Variants in CNST observed in about 807,000 individuals in gnomAD.
CNST encodes consortin.
A neutral mutation model predicts 72.4 loss-of-function variants in CNST; 39 were observed. The observed-to-expected ratio is 0.54, with a 90% confidence interval of 0.42 to 0.70. The LOEUF (loss-of-function observed/expected upper bound fraction) is 0.70, where lower values mean the gene tolerates loss of function less well. Among genes scored for constraint, CNST ranks in the 30% least tolerant of loss-of-function variants. The pLI, the probability that CNST is intolerant of heterozygous loss-of-function variation, is 0.00. For missense variants in CNST, 871 were observed against 868.5 expected (o/e 1.00, Z -0.04); for synonymous variants, 332 against 320.1 (o/e 1.04, Z -0.40).
At chr1:246,664,432 T>G (rs1424549119) in intron 10 of CNST, among the ~76,000 whole-genome samples, 1 of 120,630 alleles carries the variant, frequency 8.3e-6, no homozygotes, top group Admixed American at 7.9e-5. Flanking sequence ...TCTTTTTTTC[T>G]TTTTTTTTTT....
rs1041168578 is a variant in CNST at position 246,652,761 on chromosome 1, T to C, written c.1836+4724T>C. ...GGCTCACGCCTGTAATCCCAGCACTTTGGGAGGCCAAGGCGGGCGGATCAC... is the reference window on the plus strand; with the variant it reads ...GGCTCACGCCTGTAATCCCAGCACTCTGGGAGGCCAAGGCGGGCGGATCAC... On this transcript the variant is annotated intron_variant, in intron 9 of 10. Transcript: ENST00000366513. 8.6e-5 allele frequency among the ~76,000 whole-genome samples: 13 copies of C among 151,930 alleles called. 2 individuals are homozygous for C. Among genetic ancestry groups the C allele is most frequent in the Non-Finnish European group, 4.4e-5 (3 of 67,928 alleles).
Position 246,665,845 on chromosome 1 carries a change from C to T in CNST, c.2118C>T (p.Phe706=), listed in dbSNP as rs138848173. 1 of 1,613,996 alleles carries T rather than the reference C, an allele frequency of 6.2e-7. No homozygotes were observed. The highest frequency in any genetic ancestry group is 1.3e-5 in the African/African-American group (1 of 74,916). ...VCTDFADNMD[F]YYTKLLQGVA... ...CTGACTTTGCAGACAACATGGACTT[C>T]TATTACACTAAGTTACTTCAGGGAG... Residue 706 remains phenylalanine (F), a synonymous_variant, in exon 11 of 11, where the codon TTC becomes TTT. Coordinates refer to ENST00000366513, the MANE Select transcript of CNST (RefSeq NM_152609.3).
At chr1:246,589,674 C>T (rs1020240582) in intron 1 of CNST, among the ~76,000 whole-genome samples, 2 of 152,114 alleles carry the variant, frequency 1.3e-5, no homozygotes, top group African/African-American at 4.8e-5. Context: ...GTTCTAGATC[C>T]CTGAGGAATT....
chr1:246,658,771 C>T (rs947675180), intron 9 of CNST, among the ~76,000 whole-genome samples: 3 of 152,148 alleles, frequency 2.0e-5, no homozygotes, highest in African/African-American at 4.8e-5. Flanking sequence ...CTGACATCTT[C>T]GGTGTTAGGC....
Position 246,652,299 on chromosome 1 carries a change from G to C in CNST, c.1836+4262G>C, listed in dbSNP as rs138976769. Among the ~76,000 whole-genome samples, 400 of 152,264 alleles carry C rather than the reference G, an allele frequency of 2.6e-3. 3 individuals are homozygous for C. Among genetic ancestry groups the C allele is most frequent in the African/African-American group, 9.2e-3 (383 of 41,546 alleles). ...CCTAGCATCCAAACTTGAACGAAATGTGCCATGTAAACTCAGAGTGCCAGG... is the reference window on the plus strand; with the variant it reads ...CCTAGCATCCAAACTTGAACGAAATCTGCCATGTAAACTCAGAGTGCCAGG... On this transcript the variant is annotated intron_variant, in intron 9 of 10. Coordinates refer to ENST00000366513, the MANE Select transcript of CNST (RefSeq NM_152609.3).
intron 2 of CNST, among the ~76,000 whole-genome samples, chr1:246,596,289 C>G (rs966905862): frequency 6.6e-6 from 1 of 151,822 alleles, no homozygotes; most frequent in Non-Finnish European, 1.5e-5. Context: ...GTGGCACGTG[C>G]CTGTAGTCCC....
At chr1:246,614,950 C>T (rs1030739600) in intron 2 of CNST, among the ~76,000 whole-genome samples, 2 of 152,038 alleles carry the variant, frequency 1.3e-5, no homozygotes, top group Admixed American at 6.6e-5. Context: ...TTAAAAGGAA[C>T]GTGAATGTCA....
At chr1:246,574,937 T>G (rs2103003293) in intron 1 of CNST, among the ~76,000 whole-genome samples, 1 of 151,920 alleles carries the variant, frequency 6.6e-6, no homozygotes, top group South Asian at 2.1e-4. Flanking sequence ...TCATAGTGAG[T>G]CAAAGAACAA....
intron 3 of CNST, among the ~76,000 whole-genome samples, chr1:246,627,071 A>C (rs1180874985): frequency 6.6e-6 from 1 of 152,192 alleles, no homozygotes; most frequent in Non-Finnish European, 1.5e-5. Flanking sequence ...GGATACCATC[A>C]AATCTCACCC....
At chr1:246,662,643 G>A (rs568123104) in intron 10 of CNST, among the ~76,000 whole-genome samples, 19 of 152,208 alleles carry the variant, frequency 1.2e-4, no homozygotes, top group Non-Finnish European at 1.8e-4. Flanking sequence ...TGCCTGCCTC[G>A]GCCTCCCAAA....
intron 10 of CNST, among the ~76,000 whole-genome samples, chr1:246,660,677 C>T (rs1309297644): frequency 5.3e-5 from 8 of 152,124 alleles, no homozygotes; most frequent in Non-Finnish European, 8.8e-5. Context: ...GAGCCAAGAG[C>T]GTGCCACTGC....
intron 8 of CNST, among the ~76,000 whole-genome samples, chr1:246,645,628 C>T (rs1460237408): frequency 2.0e-5 from 3 of 151,516 alleles, no homozygotes; most frequent in South Asian, 2.1e-4. Flanking sequence ...GGGGTTTCAC[C>T]GTGTTAGACA....
chr1:246,577,090 G>A (rs1012510893), intron 1 of CNST, among the ~76,000 whole-genome samples: 1 of 152,002 alleles, frequency 6.6e-6, no homozygotes, highest in African/African-American at 2.4e-5. Flanking sequence ...AAATTAATAG[G>A]CTGTTTTGAA....
chr1:246,578,537 G>A (rs953377431), intron 1 of CNST, among the ~76,000 whole-genome samples: 2 of 152,024 alleles, frequency 1.3e-5, no homozygotes, highest in African/African-American at 4.8e-5. Context: ...TGGGTGTGGT[G>A]GCACGTGCCT....
rs140049429 is a variant in CNST, at chr1:246,598,102, C to T, written c.379+6161C>T. On this transcript the variant is annotated intron_variant, in intron 2 of 10. Transcript: ENST00000366513. ...GCTCAGGTGATTCTCTCACCTCAGC[C>T]TCCCAAGTAGCTGGGACTACAAGCG... Among the ~76,000 whole-genome samples, 1,346 of 152,116 alleles carry T rather than the reference C, an allele frequency of 8.8e-3. 29 individuals carry two copies. The highest frequency in any genetic ancestry group is 0.031 in the African/African-American group (1,289 of 41,460).
At chr1:246,582,672 C>G (rs1434933551) in intron 1 of CNST, among the ~76,000 whole-genome samples, 2 of 152,232 alleles carry the variant, frequency 1.3e-5, no homozygotes, top group African/African-American at 4.8e-5. Flanking sequence ...TCAGGCTCGT[C>G]ACTACTTTAC....
intron 2 of CNST, among the ~76,000 whole-genome samples, chr1:246,599,473 C>T (rs912867496): frequency 1.3e-5 from 2 of 152,178 alleles, no homozygotes; most frequent in African/African-American, 4.8e-5. Context: ...TCTTCAAGGC[C>T]AGCAGTGGCT....
At chr1:246,614,560 T>G (rs968469011) in intron 2 of CNST, among the ~76,000 whole-genome samples, 1 of 151,516 alleles carries the variant, frequency 6.6e-6, no homozygotes, top group African/African-American at 2.4e-5. Context: ...CAACCTCCAC[T>G]TCCTGGGTTC....
At chr1:246,581,485 A>G (rs1482025502) in intron 1 of CNST, among the ~76,000 whole-genome samples, 2 of 151,612 alleles carry the variant, frequency 1.3e-5, no homozygotes, top group Non-Finnish European at 2.9e-5. Context: ...CTGGTCCCGA[A>G]CTCCTGAGCT....
Sources: gnomAD v4.1 joint callset for allele counts (sites outside exome capture counted in the v4.1 genomes callset) on GRCh38, gnomAD v4.1.1 for gene constraint, MANE v1.5 for transcripts, NCBI Gene and HGNC (gene_info 2026-07-23, HGNC 2026-07-21) for gene names.